CXCL13: variants seen among roughly 807,000 people sequenced by gnomAD.
CXCL13 encodes C-X-C motif chemokine ligand 13, also known as C-X-C motif chemokine 13.
Under a neutral mutation model 12.2 loss-of-function variants are expected in CXCL13, and 7 were observed. The observed-to-expected ratio is 0.57, with a 90% CI of 0.33 to 1.07. CXCL13 has a LOEUF of 1.07. Ranked by LOEUF, CXCL13 falls within the 50% of genes least tolerant of loss-of-function variation. CXCL13 has a pLI of 0.04. For synonymous variants in CXCL13, 47 were observed against 42.4 expected, an observed-to-expected ratio of 1.11 and a Z score of -0.42; for missense variants, 113 against 127.4, an observed-to-expected ratio of 0.89 and a Z score of 0.55.
intron 1 of CXCL13, among the ~76,000 whole-genome samples, chr4:77,544,184 G>C (rs1028118263): frequency 2.6e-5 from 4 of 152,190 alleles, no homozygotes; most frequent in African/African-American, 7.2e-5. Flanking sequence ...CTTTGCTATT[G>C]GGAATAGTGC....
At chr4:77,586,421 C>T (rs541381091) in intron 1 of CXCL13, among the ~76,000 whole-genome samples, 34 of 152,144 alleles carry the variant, frequency 2.2e-4, no homozygotes, top group Non-Finnish European at 4.1e-4. Context: ...GCTATATCTC[C>T]GGTCCTAACG....
chr4:77,592,335 G>A (rs570650946), intron 1 of CXCL13, among the ~76,000 whole-genome samples: 1 of 152,222 alleles, frequency 6.6e-6, no homozygotes, highest in South Asian at 2.1e-4. Context: ...GGCATAGAAA[G>A]ACAAATACAT....
chr4:77,526,762 A>G (rs1724776131), intron 1 of CXCL13, among the ~76,000 whole-genome samples: 1 of 152,182 alleles, frequency 6.6e-6, no homozygotes, highest in African/African-American at 2.4e-5. Context: ...AAACAGAGCC[A>G]TCAAAGAGGA....
chr4:77,530,475 G>T (rs765906476), intron 1 of CXCL13, among the ~76,000 whole-genome samples: 1 of 152,140 alleles, frequency 6.6e-6, no homozygotes, highest in Admixed American at 6.5e-5. Context: ...TCTATTCAGA[G>T]ATTCAATTTC....
intron 1 of CXCL13, among the ~76,000 whole-genome samples, chr4:77,566,343 T>C (rs1485041948): frequency 6.6e-6 from 1 of 152,214 alleles, no homozygotes; most frequent in Non-Finnish European, 1.5e-5. Flanking sequence ...TAACTGTTAC[T>C]AAAGCAAACC....
intron 1 of CXCL13, among the ~76,000 whole-genome samples, chr4:77,594,512 C>T (rs1049338255): frequency 3.3e-5 from 5 of 151,930 alleles, no homozygotes; most frequent in Non-Finnish European, 5.9e-5. Context: ...TGGGCATCAA[C>T]ATAGCTCAAA....
intron 1 of CXCL13, among the ~76,000 whole-genome samples, chr4:77,598,811 C>T (rs1334264006): frequency 6.7e-6 from 1 of 150,212 alleles, no homozygotes; most frequent in South Asian, 2.1e-4. Flanking sequence ...CTAGCCCCAA[C>T]ACAATGATTT....
intron 1 of CXCL13, among the ~76,000 whole-genome samples, chr4:77,528,148 A>G (rs931556364): frequency 1.3e-5 from 2 of 152,250 alleles, no homozygotes; most frequent in Admixed American, 6.5e-5. Flanking sequence ...CATGGTGTAT[A>G]TGTGCCACAT....
intron 1 of CXCL13, among the ~76,000 whole-genome samples, chr4:77,574,794 C>T (rs1036719647): frequency 2.0e-5 from 3 of 151,738 alleles, no homozygotes; most frequent in Non-Finnish European, 2.9e-5. Flanking sequence ...ACAAGGAGCT[C>T]TAATTAATGG....
intron 1 of CXCL13, among the ~76,000 whole-genome samples, chr4:77,543,930 A>T (rs1470286032): frequency 6.6e-6 from 1 of 152,030 alleles, no homozygotes; most frequent in Non-Finnish European, 1.5e-5. Context: ...CCGGTGTGTG[A>T]TGTTCCCCAC....
At chr4:77,606,015 G>A in intron 1 of CXCL13, 86 bp downstream of exon 1, 1 of 923,364 alleles carries the variant, frequency 1.1e-6, no homozygotes. Context: ...AAAACCGCAG[G>A]GAAGTCTGAC....
At chr4:77,558,069 A>G (rs1032979909) in intron 1 of CXCL13, among the ~76,000 whole-genome samples, 1 of 152,184 alleles carries the variant, frequency 6.6e-6, no homozygotes, top group Admixed American at 6.5e-5. Context: ...TTCTCTTTTC[A>G]AACAACATGC....
intron 1 of CXCL13, among the ~76,000 whole-genome samples, chr4:77,571,831 T>G (rs553591509): frequency 1.3e-5 from 2 of 151,724 alleles, no homozygotes; most frequent in Non-Finnish European, 2.9e-5. Context: ...CCACGCTGCT[T>G]TTATGAGCTG....
At chr4:77,544,782 T>A (rs952975475) in intron 1 of CXCL13, among the ~76,000 whole-genome samples, 26 of 152,228 alleles carry the variant, frequency 1.7e-4, no homozygotes, top group Non-Finnish European at 3.4e-4. Flanking sequence ...TGGCTTTTGT[T>A]GCCATTGCTT....
chr4:77,551,477 G>T lies in CXCL13; in HGVS notation c.-43+39689G>T, dbSNP rs191251590. Among the ~76,000 whole-genome samples the T allele has an allele frequency of 3.4e-3, 522 of 152,288 alleles. 4 individuals are homozygous for T. Among genetic ancestry groups the T allele is most frequent in the African/African-American group, 0.012 (489 of 41,558 alleles). The stretch of plus-strand genomic sequence containing the variant: ...ATCTCTCCTGGCTTGTAAGGTTTCT[G>T]CTGGGAAGTCTGCTGTTAGCCTTTG... On this transcript the variant is annotated intron_variant, in intron 1 of 4. Transcript: ENST00000286758.
At chr4:77,516,224 G>A (rs1460791266) in intron 1 of CXCL13, among the ~76,000 whole-genome samples, 1 of 152,050 alleles carries the variant, frequency 6.6e-6, no homozygotes. Context: ...TTTTTATTGA[G>A]GATTTTTGCA....
intron 1 of CXCL13, among the ~76,000 whole-genome samples, chr4:77,537,803 CTA>C (rs1314776484): frequency 2.6e-5 from 4 of 152,128 alleles, no homozygotes; most frequent in Non-Finnish European, 4.4e-5. Flanking sequence ...TGACTCCACT[CTA>C]TGGATCCTAG....
At chr4:77,557,960 C>A (rs1056192201) in intron 1 of CXCL13, among the ~76,000 whole-genome samples, 4 of 152,180 alleles carry the variant, frequency 2.6e-5, no homozygotes, top group Non-Finnish European at 5.9e-5. Flanking sequence ...CCTTTCCATG[C>A]CTCTAAGAGC....
intron 1 of CXCL13, among the ~76,000 whole-genome samples, chr4:77,520,198 GCT>G (rs1464217686): frequency 6.6e-6 from 1 of 152,130 alleles, no homozygotes; most frequent in East Asian, 1.9e-4. Context: ...GGCAATGCGG[GCT>G]CTTTTTTGGT....
Sources: allele counts gnomAD v4.1 joint callset (sites outside exome capture counted in the v4.1 genomes callset), GRCh38; gene constraint gnomAD v4.1.1; transcripts MANE v1.5; gene names NCBI Gene and HGNC (gene_info 2026-07-23, HGNC 2026-07-21).